SIAE: variants seen among roughly 807,000 people sequenced by gnomAD.
SIAE encodes sialate O-acetylesterase.
SIAE carries 39 observed loss-of-function variants against 52.6 expected under a neutral mutation model. That is an observed-to-expected ratio of 0.74 (90% CI 0.57 to 0.97). The LOEUF is 0.97. Ranked by LOEUF, SIAE falls within the 50% of genes least tolerant of loss-of-function variation. The probability of loss-of-function intolerance (pLI) is 0.00; values close to 1 mark genes in which losing one functional copy is unlikely to be tolerated. For missense variants in SIAE, 592 were observed against 662.1 expected, an observed-to-expected ratio of 0.89 and a Z score of 1.16; for synonymous variants, 233 against 241.4, an observed-to-expected ratio of 0.97 and a Z score of 0.32.
chr11:124,637,769 G>T (rs1942775327), intron 9 of SIAE, among the ~76,000 whole-genome samples: 1 of 152,204 alleles, frequency 6.6e-6, no homozygotes, highest in Non-Finnish European at 1.5e-5. Context: ...AGCTAAGTGG[G>T]GTAAGTGCCA....
At chr11:124,647,583 TGAGGTA>T (rs1192697019) in intron 6 of SIAE, 85 bp from the exon 7 acceptor site, 4 of 1,523,410 alleles carry the variant, frequency 2.6e-6, no homozygotes, top group Non-Finnish European at 3.6e-6. Flanking sequence ...ATCCATGCCC[TGAGGTA>T]GTGGTCTTCC....
rs750156595 is a variant in SIAE at position 124,654,652 on chromosome 11, T to TA, written c.544+2dup. On this transcript the variant is annotated splice_region_variant and intron_variant, in intron 4 of 9. Transcript: ENST00000263593. ...GAGACAGCACGTTCAAGCCGTCACA[T>TA]ACCTGAGGTGGGCTTAGACCACTGC... The TA allele has an allele frequency of 5.6e-6, 9 of 1,614,160 alleles. No homozygotes were observed. Among genetic ancestry groups the TA allele is most frequent in the Admixed American group, 1.7e-5 (1 of 60,026 alleles).
intron 7 of SIAE, among the ~76,000 whole-genome samples, chr11:124,642,347 C>T (rs1383582761): frequency 6.6e-6 from 1 of 152,242 alleles, no homozygotes; most frequent in African/African-American, 2.4e-5. Context: ...TGAGCACCTA[C>T]TCTGTGTCAT....
rs546194169 is a variant in SIAE at position 124,633,856 on chromosome 11, C to T, written c.*3095G>A. 2.6e-5 allele frequency: 4 copies of T among 152,150 alleles called. No homozygotes were observed. The South Asian group carries it at 6.2e-4, about 24-fold the overall frequency. The allele number at this position is 152,150 out of a possible 1,614,324, so 9.4% of individuals were successfully genotyped here. On this transcript the variant is annotated 3_prime_UTR_variant, in exon 10 of 10. Transcript: ENST00000263593. ...AACAAATATTTTCCCACTATTACAG[C>T]CTGAGTAATACCCGTATTAAAAGAG...
At chr11:124,674,516 C>T (rs1299483447), upstream of SIAE, 1 of 152,322 alleles carries the variant, frequency 6.6e-6, no homozygotes, top group Non-Finnish European at 1.5e-5. Context: ...TCTTTTCATA[C>T]TCAGTAGTAG....
At chr11:124,639,600 T>A in intron 8 of SIAE, 110 bp downstream of exon 8, 1 of 1,396,622 alleles carries the variant, frequency 7.2e-7, no homozygotes, top group Non-Finnish European at 1.0e-6. Context: ...CCAGCATACG[T>A]GACTCTTAAG....
Position 124,635,930 on chromosome 11 carries a change from T to C in SIAE, c.*1021A>G, listed in dbSNP as rs1282496472. On this transcript the variant is annotated 3_prime_UTR_variant, in exon 10 of 10. Transcript: ENST00000263593. Reference sequence around the variant, plus strand: ...CAAACACTGAAGGCCTCTTTCATATTTGTATCATCTGCATTTTTTTTTATA... The same window carrying C: ...CAAACACTGAAGGCCTCTTTCATATCTGTATCATCTGCATTTTTTTTTATA... 1.3e-5 allele frequency: 2 copies of C among 152,082 alleles called. No homozygotes were observed. The highest frequency in any genetic ancestry group is 4.8e-5 in the African/African-American group (2 of 41,356). The allele number at this position is 152,082 out of a possible 1,614,324, so 9.4% of individuals were successfully genotyped here.
intron 9 of SIAE, 109 bp downstream of exon 9, chr11:124,638,433 C>T (rs1451697803): frequency 3.2e-6 from 4 of 1,253,740 alleles, no homozygotes; most frequent in Non-Finnish European, 3.4e-6. Context: ...CAGCCCCCAA[C>T]CAACCAAGAC....
At chr11:124,651,857 A>G (rs1943021947) in intron 4 of SIAE, among the ~76,000 whole-genome samples, 1 of 152,136 alleles carries the variant, frequency 6.6e-6, no homozygotes, top group African/African-American at 2.4e-5. Context: ...CATGATGGAG[A>G]GTCAGTGTTT....
intron 3 of SIAE, chr11:124,660,372 C>G: frequency 2.2e-6 from 1 of 458,654 alleles, no homozygotes; most frequent in Non-Finnish European, 4.1e-6. Context: ...CTAGAGAAAA[C>G]AATACTCCTT....
intron 3 of SIAE, chr11:124,658,780 A>G (rs1399314082): frequency 2.0e-5 from 3 of 151,906 alleles, no homozygotes; most frequent in African/African-American, 7.3e-5. Context: ...GGGAAGGAGA[A>G]AGACTCGTGT....
Position 124,669,481 on chromosome 11 carries a change from C to T in SIAE, c.108G>A (p.Met36Ile), listed in dbSNP as rs764726971. 16 of 1,613,992 alleles carry T rather than the reference C, an allele frequency of 9.9e-6. No homozygotes were observed. The highest frequency in any genetic ancestry group is 1.4e-5 in the Non-Finnish European group (16 of 1,180,022). Reference protein sequence around the residue: ...FRFASYINNDMVLQKEPAGAV... With the variant: ...FRFASYINNDIVLQKEPAGAV... The stretch of plus-strand genomic sequence containing the variant: ...CCCCAGCAGGCTCCTTCTGCAGCAC[C>T]ATATCATTATTGATGTATGAAGCAA... The change falls in exon 2 of 10, where the codon ATG (methionine) becomes ATA (isoleucine). Residue 36 changes from methionine to isoleucine, a missense_variant. Coordinates refer to ENST00000263593, the MANE Select transcript of SIAE (RefSeq NM_170601.5).
In SIAE at chr11:124,673,664, G is replaced by A; in HGVS notation, c.45C>T (p.Ile15=). ...CACCTGCACTTCTGTCGGCCCACAG[G>A]ATTAATGGCAGCACCAGCCCGAGTA... ...GLVLGLVLPL[I]LWADRSAGIG... is the part of the protein sequence containing the mutation. The change falls in exon 1 of 10, where the codon ATC becomes ATT. Residue 15 remains isoleucine, a synonymous_variant. Coordinates refer to ENST00000263593, the MANE Select transcript of SIAE (RefSeq NM_170601.5). The A allele has an allele frequency of 1.2e-6, 2 of 1,613,796 alleles. No homozygotes were observed. The highest frequency in any genetic ancestry group is 8.5e-7 in the Non-Finnish European group (1 of 1,179,836).
At chr11:124,675,585 C>A, upstream of SIAE, 1 of 627,460 alleles carries the variant, frequency 1.6e-6, no homozygotes, top group Non-Finnish European at 2.6e-6. Context: ...TTGATATGTT[C>A]TCTTAAATTC....
chr11:124,647,500 T>TA lies in SIAE; in HGVS notation c.833-3dup. 6.2e-7 allele frequency: 1 copy of TA among 1,614,040 alleles called. No individual in the cohort carries two copies. The highest frequency in any genetic ancestry group is 1.1e-5 in the South Asian group (1 of 91,078). ...TGTTATAATTTATATTGGACTCCCC[T>TA]AAAAACAGTCCAAATTGTAAAGGGA... On this transcript the variant is annotated splice_polypyrimidine_tract_variant and splice_region_variant and intron_variant, in intron 6 of 9. Coordinates refer to ENST00000263593, the MANE Select transcript of SIAE (RefSeq NM_170601.5).
At chr11:124,674,988 T>C (rs1943440908), upstream of SIAE, 2 of 253,448 alleles carry the variant, frequency 7.9e-6, no homozygotes, top group East Asian at 1.5e-4. Context: ...AAAAGTCATA[T>C]TGAAAATTAT....
chr11:124,649,710 T>C lies in SIAE; in HGVS notation c.631A>G (p.Ile211Val), dbSNP rs1271095924. The C allele has an allele frequency of 2.5e-6, 4 of 1,614,158 alleles. No homozygotes were observed. Among genetic ancestry groups the C allele is most frequent in the South Asian group, 2.2e-5 (2 of 91,080 alleles). The stretch of plus-strand genomic sequence containing the variant: ...CCCCAGCTGGAGGCGATCAGCCCGA[T>C]GGGATACTGCAGAGTGTCATAAAGG... ...RHLYDTLQYP[I>V]GLIASSWGGT... Residue 211 changes from isoleucine to valine, a missense_variant, in exon 5 of 10, where the codon ATC (isoleucine) becomes GTC (valine). Transcript: ENST00000263593.
chr11:124,633,483 T>C lies in SIAE; in HGVS notation c.*3468A>G, dbSNP rs1942654627. 6.6e-6 allele frequency: 1 copy of C among 152,232 alleles called. No individual in the cohort carries two copies. Among genetic ancestry groups the C allele is most frequent in the Non-Finnish European group, 1.5e-5 (1 of 68,054 alleles). 9.4% of individuals were successfully genotyped at this position (152,232 alleles called of 1,614,324 possible). A position where few individuals can be genotyped will look rare whatever the true frequency, so the allele number is the denominator to read the frequency against. On this transcript the variant is annotated 3_prime_UTR_variant, in exon 10 of 10. Coordinates refer to ENST00000263593, the MANE Select transcript of SIAE (RefSeq NM_170601.5). The stretch of plus-strand genomic sequence containing the variant: ...GGAGTGGTGAGAATTGAATGGTTAA[T>C]GCACTGCCATTCATAATTGCCAATT...
At chr11:124,669,059 C>T (rs746931455) in intron 2 of SIAE, among the ~76,000 whole-genome samples, 1 of 152,150 alleles carries the variant, frequency 6.6e-6, no homozygotes, top group Non-Finnish European at 1.5e-5. Context: ...CTCCTCTGTA[C>T]CCCAAGACAC....
Sources: gnomAD v4.1 joint callset for allele counts (sites outside exome capture counted in the v4.1 genomes callset) on GRCh38, gnomAD v4.1.1 for gene constraint, MANE v1.5 for transcripts, NCBI Gene and HGNC (gene_info 2026-07-23, HGNC 2026-07-21) for gene names.